DEFB125: variants seen among roughly 807,000 people sequenced by gnomAD.
DEFB125 encodes the protein defensin beta 125, also known as beta-defensin 125.
Under a neutral mutation model 11.8 loss-of-function variants are expected in DEFB125, and 11 were observed. The ratio of observed to expected loss-of-function variants is 0.94; its 90% CI spans 0.59 to 1.55. The LOEUF (loss-of-function observed/expected upper bound fraction) is 1.55. DEFB125 is among the 40% of genes most tolerant of loss of function. The pLI is 0.00. For synonymous variants in DEFB125, 79 were observed against 66.7 expected (o/e 1.18, Z -0.90); for missense variants, 198 against 191.2 (o/e 1.04, Z -0.21).
At chr20:95,619 C>T (rs1411880619) in intron 1 of DEFB125, among the ~76,000 whole-genome samples, 2 of 152,080 alleles carry the variant, frequency 1.3e-5, no homozygotes, top group Non-Finnish European at 2.9e-5. Context: ...CGGAGTCCTG[C>T]CTTCTCAATT....
chr20:87,823 C>T, intron 1 of DEFB125, 56 bp downstream of exon 1: 1 of 1,572,780 alleles, frequency 6.4e-7, no homozygotes, highest in East Asian at 2.2e-5. Flanking sequence ...TGCCCTTGGG[C>T]TCCCCTGGTA....
At position 95,985 on chromosome 20, in the gene DEFB125, C is replaced by G; in HGVS notation, c.59-20C>G. The G allele has an allele frequency of 6.5e-7, 1 of 1,538,468 alleles. No individual in the cohort carries two copies. Among genetic ancestry groups the G allele is most frequent in the Non-Finnish European group, 8.8e-7 (1 of 1,142,530 alleles). On this transcript the variant is annotated intron_variant, in intron 1 of 1. Coordinates refer to ENST00000382410, the MANE Select transcript of DEFB125 (RefSeq NM_153325.4). ...TTGATGCCAGAGTTAAAAATTTGAC[C>G]TATATTTTATTCTCTACAGGTAGCT...
At position 96,317 on chromosome 20, in the gene DEFB125, C is replaced by T; in HGVS notation, c.371C>T (p.Pro124Leu). The part of the protein sequence containing the change: ...ETNTPETTMP[P>L]SEATTPETTM... ...AATACTCCTGAGACTACTATGCCAC[C>T]ATCTGAGGCCACTACTCCCGAGACT... Residue 124 changes from proline to leucine, a missense_variant, in exon 2 of 2, where the codon CCA (proline) becomes CTA (leucine). Transcript: ENST00000382410. 2 of 1,613,510 alleles carry T rather than the reference C, an allele frequency of 1.2e-6. No individual in the cohort carries two copies. Among genetic ancestry groups the T allele is most frequent in the Non-Finnish European group, 1.7e-6 (2 of 1,179,542 alleles).
At chr20:92,437 G>T (rs951794935) in intron 1 of DEFB125, among the ~76,000 whole-genome samples, 6 of 148,420 alleles carry the variant, frequency 4.0e-5, no homozygotes, top group Middle Eastern at 3.4e-3. Flanking sequence ...TCTGTCACCA[G>T]GCTGGACTGC....
Position 96,221 on chromosome 20 carries a change from CA to C in DEFB125, c.276del (p.Val93TyrfsTer4). ...YSDVDSFTGS[P>X]VSMLNDLITF... ...GATGTGGACTCTTTTACTGGTTCCCCAGTATCTATGTTGAATGATCTGATAA... is the reference window on the plus strand; with the variant it reads ...GATGTGGACTCTTTTACTGGTTCCCCGTATCTATGTTGAATGATCTGATAA... On this transcript the variant is annotated frameshift_variant, in exon 2 of 2. Coordinates refer to ENST00000382410, the MANE Select transcript of DEFB125 (RefSeq NM_153325.4). LOFTEE classifies it high-confidence loss of function. 6.2e-7 allele frequency: 1 copy of C among 1,614,148 alleles called. No homozygotes were observed. Among genetic ancestry groups the C allele is most frequent in the Admixed American group, 1.7e-5 (1 of 60,024 alleles).
rs45528036 is a variant in DEFB125 at position 96,372 on chromosome 20, C to T, written c.426C>T (p.Ser142=). ...TTMPPSETAT[S]ETMPPPSQTA... ...TGCCACCATCTGAGACTGCTACTTC[C>T]GAGACTATGCCACCACCTTCTCAGA... The change falls in exon 2 of 2, where the codon TCC becomes TCT. Residue 142 remains serine, a synonymous_variant. Coordinates refer to ENST00000382410, the MANE Select transcript of DEFB125 (RefSeq NM_153325.4). 25,313 of 1,613,872 alleles carry T rather than the reference C, an allele frequency of 0.016. 242 individuals are homozygous for T. Among genetic ancestry groups the T allele is most frequent in the Non-Finnish European group, 0.02 (23,057 of 1,179,866 alleles).
chr20:88,595 T>A (rs2054484923), intron 1 of DEFB125, among the ~76,000 whole-genome samples: 1 of 152,154 alleles, frequency 6.6e-6, no homozygotes, highest in Admixed American at 6.6e-5. Context: ...TGCATGTGTA[T>A]ACCTTTTAGA....
Position 96,747 on chromosome 20 carries a change from A to G in DEFB125, c.*330A>G, listed in dbSNP as rs1312543240. 4 of 240,098 alleles carry G rather than the reference A, an allele frequency of 1.7e-5. No individual in the cohort carries two copies. The highest frequency in any genetic ancestry group is 3.2e-5 in the Non-Finnish European group (4 of 124,256). The allele number at this position is 240,098 out of a possible 1,614,324, so 14.9% of individuals were successfully genotyped here. On this transcript the variant is annotated 3_prime_UTR_variant, in exon 2 of 2. Coordinates refer to ENST00000382410, the MANE Select transcript of DEFB125 (RefSeq NM_153325.4). ...TATGTATTTTTCCATGCCAAAAACA[A>G]AAACGAAGACCATTGTTTGGAGCTG...
At chr20:93,908 T>A (rs1445272999) in intron 1 of DEFB125, among the ~76,000 whole-genome samples, 1 of 152,064 alleles carries the variant, frequency 6.6e-6, no homozygotes, top group African/African-American at 2.4e-5. Flanking sequence ...TAATATTTTT[T>A]TTTTCCTGTG....
intron 1 of DEFB125, among the ~76,000 whole-genome samples, chr20:94,777 C>A (rs2054508791): frequency 6.6e-6 from 1 of 152,150 alleles, no homozygotes; most frequent in Non-Finnish European, 1.5e-5. Flanking sequence ...CCCTTCCCAG[C>A]CTCTAGTAAT....
chr20:92,221 A>G (rs1207298288), intron 1 of DEFB125, among the ~76,000 whole-genome samples: 1 of 151,978 alleles, frequency 6.6e-6, no homozygotes, highest in Admixed American at 6.6e-5. Context: ...ACACTTATCT[A>G]GGTACTCCTT....
At chr20:93,176 C>T (rs998516621) in intron 1 of DEFB125, among the ~76,000 whole-genome samples, 1 of 151,946 alleles carries the variant, frequency 6.6e-6, no homozygotes, top group African/African-American at 2.4e-5. Context: ...TTCACCATGG[C>T]CAGGCTGGTC....
At chr20:88,796 A>G (rs2054485833) in intron 1 of DEFB125, among the ~76,000 whole-genome samples, 1 of 152,006 alleles carries the variant, frequency 6.6e-6, no homozygotes, top group South Asian at 2.1e-4. Context: ...GTCTTTAATT[A>G]TCAAAAACAA....
Position 96,004 on chromosome 20 carries a change from G to C in DEFB125, c.59-1G>C. 1 of 1,594,084 alleles carries C rather than the reference G, an allele frequency of 6.3e-7. No homozygotes were observed. The highest frequency in any genetic ancestry group is 1.7e-4 in the Middle Eastern group (1 of 5,980). On this transcript the variant is annotated splice_acceptor_variant, in intron 1 of 1. Coordinates refer to ENST00000382410, the MANE Select transcript of DEFB125 (RefSeq NM_153325.4). LOFTEE classifies it high-confidence loss of function. ...TTTGACCTATATTTTATTCTCTACA[G>C]GTAGCTTTGAACCCCAAAAATGTTG...
chr20:96,912 T>C lies in DEFB125; in HGVS notation c.*495T>C, dbSNP rs1450503950. On this transcript the variant is annotated 3_prime_UTR_variant, in exon 2 of 2. Coordinates refer to ENST00000382410, the MANE Select transcript of DEFB125 (RefSeq NM_153325.4). ...ACCCTCCACCTTTTATTGTAAGTTCTGACCCTAAATACTTTTCTGTGTCAT... is the reference window on the plus strand; with the variant it reads ...ACCCTCCACCTTTTATTGTAAGTTCCGACCCTAAATACTTTTCTGTGTCAT... The C allele has an allele frequency of 6.5e-6, 1 of 154,672 alleles. No homozygotes were observed. Among genetic ancestry groups the C allele is most frequent in the Non-Finnish European group, 1.4e-5 (1 of 69,628 alleles). 9.6% of individuals were successfully genotyped at this position (154,672 alleles called of 1,614,324 possible).
In DEFB125 at chr20:97,092, C is replaced by T. The variant is rs2054518724; in HGVS notation, c.*675C>T. ...TAAATTAAAAGCTGCATCTCAAATT[C>T]TACTTATCTTTCCAATCTTCTTTCC... On this transcript the variant is annotated 3_prime_UTR_variant, in exon 2 of 2. Coordinates refer to ENST00000382410, the MANE Select transcript of DEFB125 (RefSeq NM_153325.4). The T allele has an allele frequency of 6.6e-6, 1 of 152,194 alleles. No homozygotes were observed. The highest frequency in any genetic ancestry group is 1.5e-5 in the Non-Finnish European group (1 of 68,046). 9.4% of individuals were successfully genotyped at this position (152,194 alleles called of 1,614,324 possible).
chr20:87,877 A>G (rs2054481859), intron 1 of DEFB125, 110 bp downstream of exon 1: 2 of 1,171,784 alleles, frequency 1.7e-6, no homozygotes, highest in Non-Finnish European at 2.5e-6. Context: ...ATCTGGGCCA[A>G]CAAAGAGCAG....
At chr20:95,270 T>G (rs1161024229) in intron 1 of DEFB125, among the ~76,000 whole-genome samples, 2 of 152,188 alleles carry the variant, frequency 1.3e-5, no homozygotes, top group Non-Finnish European at 2.9e-5. Context: ...TCTTATCTCT[T>G]AATATTGAAA....
intron 1 of DEFB125, among the ~76,000 whole-genome samples, chr20:88,597 C>G (rs1265772246): frequency 6.6e-6 from 1 of 151,964 alleles, no homozygotes; most frequent in African/African-American, 2.4e-5. Context: ...CATGTGTATA[C>G]CTTTTAGATT....
Sources: gnomAD v4.1 joint callset for allele counts (sites outside exome capture counted in the v4.1 genomes callset) on GRCh38, gnomAD v4.1.1 for gene constraint, MANE v1.5 for transcripts, NCBI Gene and HGNC (gene_info 2026-07-23, HGNC 2026-07-21) for gene names.